Variants in CHRNA7 observed in about 807,000 individuals in gnomAD.
CHRNA7 encodes the protein cholinergic receptor nicotinic alpha 7 subunit.
Under a neutral mutation model 48.0 loss-of-function variants are expected in CHRNA7, and 17 were observed. The ratio of observed to expected loss-of-function variants is 0.35; its 90% CI spans 0.24 to 0.53. The LOEUF (loss-of-function observed/expected upper bound fraction) is 0.53, where lower values mean the gene tolerates loss of function less well. Among genes scored for constraint, CHRNA7 ranks in the 20% least tolerant of loss-of-function variants. The pLI is 0.92. For missense variants in CHRNA7, 155 were observed against 577.7 expected (o/e 0.27, Z 7.50); for synonymous variants, 75 against 242.3 (o/e 0.31, Z 6.41).
intron 2 of CHRNA7, among the ~76,000 whole-genome samples, chr15:32,085,280 AC>A (rs1271104737): frequency 2.0e-5 from 3 of 151,500 alleles, no homozygotes; most frequent in Non-Finnish European, 4.4e-5. Flanking sequence ...TCTGGCAGAA[AC>A]CCCCCATGTA....
intron 2 of CHRNA7, among the ~76,000 whole-genome samples, chr15:32,067,207 A>G (rs1359785664): frequency 1.3e-5 from 2 of 151,738 alleles, no homozygotes; most frequent in East Asian, 1.9e-4. Context: ...GATAAAACCA[A>G]AGATCCACAC....
intron 2 of CHRNA7, among the ~76,000 whole-genome samples, chr15:32,074,489 T>A (rs2050105243): frequency 1.3e-5 from 2 of 151,284 alleles, no homozygotes; most frequent in Non-Finnish European, 2.9e-5. Flanking sequence ...CTACTAAATA[T>A]AACTGTAGCT....
In CHRNA7 at chr15:32,106,842, G is replaced by A. The variant is rs183065330; in HGVS notation, c.241-4948G>A. On this transcript the variant is annotated intron_variant, in intron 3 of 9. Transcript: ENST00000306901. The stretch of plus-strand genomic sequence containing the variant: ...TACTAATAGCATTCACACCATAGAT[G>A]ATAAGATTTTAAGCTGTTATTTTTT... 2.9e-3 allele frequency among the ~76,000 whole-genome samples: 447 copies of A among 152,228 alleles called. 1 individual carries two copies. The highest frequency in any genetic ancestry group is 5.2e-3 in the Non-Finnish European group (351 of 68,030).
intron 2 of CHRNA7, chr15:32,099,698 G>C (rs1050587621): frequency 2.0e-5 from 3 of 152,162 alleles, no homozygotes; most frequent in African/African-American, 7.2e-5. Flanking sequence ...ACAGATACAC[G>C]TTCTGAAGAG....
intron 4 of CHRNA7, among the ~76,000 whole-genome samples, chr15:32,114,032 A>G (rs1461635612): frequency 4.2e-5 from 4 of 94,540 alleles, no homozygotes; most frequent in African/African-American, 1.6e-4. Flanking sequence ...ATATATATAT[A>G]TATATATATA....
intron 2 of CHRNA7, among the ~76,000 whole-genome samples, chr15:32,064,257 CTTCCCCTTCTTCTTTCT>C (rs1378308399): frequency 6.6e-6 from 1 of 151,448 alleles, no homozygotes; most frequent in Non-Finnish European, 1.5e-5. Context: ...GCCCCTTTCC[CTTCCCCTTCTTCTTTCT>C]TTCTTCTGCT....
chr15:32,117,189 A>G (rs2050887636), intron 4 of CHRNA7, among the ~76,000 whole-genome samples: 1 of 152,150 alleles, frequency 6.6e-6, no homozygotes. Flanking sequence ...AGCAAATCAT[A>G]CTGCGGGCAA....
chr15:32,075,910 A>G (rs1595418029), intron 2 of CHRNA7, among the ~76,000 whole-genome samples: 1 of 152,104 alleles, frequency 6.6e-6, no homozygotes, highest in East Asian at 1.9e-4. Flanking sequence ...TTCAAAATAT[A>G]TTTTTAAAAA....
chr15:32,148,442 A>G (rs985377049), intron 4 of CHRNA7, among the ~76,000 whole-genome samples: 7 of 152,148 alleles, frequency 4.6e-5, no homozygotes, highest in South Asian at 2.1e-4. Context: ...GTAGAGGTCA[A>G]TGCTACAGAG....
rs570181186 is a variant in CHRNA7, at chr15:32,059,803, G to T, written c.195+28766G>T. Reference sequence around the variant, plus strand: ...CACAAACACATACTTAGAAGCAGCAGACCCACTTCATCCTTCAATTCCAGT... The same window carrying T: ...CACAAACACATACTTAGAAGCAGCATACCCACTTCATCCTTCAATTCCAGT... On this transcript the variant is annotated intron_variant, in intron 2 of 9. Coordinates refer to ENST00000306901, the MANE Select transcript of CHRNA7 (RefSeq NM_000746.6). Among the ~76,000 whole-genome samples, 161 of 151,708 alleles carry T rather than the reference G, an allele frequency of 1.1e-3. 1 individual carries two copies. Among genetic ancestry groups the T allele is most frequent in the Admixed American group, 1.9e-3 (29 of 15,258 alleles).
chr15:32,037,148 G>T (rs949206683), intron 2 of CHRNA7, among the ~76,000 whole-genome samples: 14 of 152,276 alleles, frequency 9.2e-5, no homozygotes, highest in African/African-American at 3.1e-4. Context: ...TTTTGCATGT[G>T]ATTGTCCAGT....
intron 4 of CHRNA7, among the ~76,000 whole-genome samples, chr15:32,133,507 G>GC (rs1158975496): frequency 1.3e-5 from 2 of 152,156 alleles, no homozygotes; most frequent in African/African-American, 2.4e-5. Flanking sequence ...TCGTGCTTCT[G>GC]CCCTCTTGCC....
chr15:32,100,974 G>T, intron 2 of CHRNA7: 2 of 240,030 alleles, frequency 8.3e-6, no homozygotes, highest in South Asian at 1.3e-4. Flanking sequence ...TTTTTTTTAA[G>T]CATATGAATT....
intron 3 of CHRNA7, among the ~76,000 whole-genome samples, chr15:32,104,280 CT>C (rs1208234168): frequency 9.2e-5 from 14 of 152,192 alleles, no homozygotes; most frequent in East Asian, 1.9e-4. Flanking sequence ...GTGCCCCCCC[CT>C]CAGGGCCTTT....
chr15:32,107,407 CT>C (rs1412909308), intron 3 of CHRNA7, among the ~76,000 whole-genome samples: 2 of 151,328 alleles, frequency 1.3e-5, no homozygotes, highest in Non-Finnish European at 2.9e-5. Context: ...AAATACTTTG[CT>C]TACTTAATAA....
rs78814575 is a variant in CHRNA7, at chr15:32,120,670, G to A, written c.350+8771G>A. 4.8e-3 allele frequency among the ~76,000 whole-genome samples: 734 copies of A among 152,094 alleles called. 8 individuals are homozygous for A. Among genetic ancestry groups the A allele is most frequent in the African/African-American group, 0.017 (717 of 41,486 alleles). The stretch of plus-strand genomic sequence containing the variant: ...GTGAATAGAATTTTGTGGGGATGGT[G>A]TTGCATTGAGGTGGCCTGGGTGAGG... On this transcript the variant is annotated intron_variant, in intron 4 of 9. Transcript: ENST00000306901.
chr15:32,030,617 T>C lies in CHRNA7; in HGVS notation c.23T>C (p.Val8Ala). Residue 8 changes from valine (V) to alanine (A), a missense_variant, in exon 1 of 10, where the codon GTC (valine) becomes GCC (alanine). Coordinates refer to ENST00000306901, the MANE Select transcript of CHRNA7 (RefSeq NM_000746.6). ...AACATGCGCTGCTCGCCGGGAGGCGTCTGGCTGGCGCTGGCCGCGTCGCTC... is the reference window on the plus strand; with the variant it reads ...AACATGCGCTGCTCGCCGGGAGGCGCCTGGCTGGCGCTGGCCGCGTCGCTC... MRCSPGG[V>A]WLALAASLLH... 6.4e-7 allele frequency: 1 copy of C among 1,564,862 alleles called. No individual in the cohort carries two copies. The highest frequency in any genetic ancestry group is 1.8e-5 in the Admixed American group (1 of 56,290).
At chr15:32,158,074 GTTGATGGGAACCTATAT>G in intron 6 of CHRNA7, 2 of 223,756 alleles carry the variant, frequency 8.9e-6, no homozygotes, top group South Asian at 5.4e-5. Flanking sequence ...GCAAATTTCA[GTTGATGGGAACCTATAT>G]TTGATTATTT....
intron 9 of CHRNA7, among the ~76,000 whole-genome samples, chr15:32,165,205 GTCCA>G (rs1219321582): frequency 3.1e-5 from 2 of 63,806 alleles, no homozygotes; most frequent in Non-Finnish European, 6.2e-5. Context: ...CTTTCTGTCT[GTCCA>G]TCCATCAGTT....
Sources: allele counts gnomAD v4.1 joint callset (sites outside exome capture counted in the v4.1 genomes callset), GRCh38; gene constraint gnomAD v4.1.1; transcripts MANE v1.5; gene names NCBI Gene and HGNC (gene_info 2026-07-23, HGNC 2026-07-21).